TRAPPC3L: variants seen among roughly 807,000 people sequenced by gnomAD.
The protein encoded by TRAPPC3L is trafficking protein particle complex subunit 3L.
In TRAPPC3L, 23 loss-of-function variants were observed where a neutral mutation model predicts 23.7. The observed-to-expected ratio is 0.97, with a 90% CI of 0.70 to 1.37. The LOEUF (loss-of-function observed/expected upper bound fraction) is 1.37. Among genes scored for constraint, TRAPPC3L ranks in the 40% most tolerant of loss-of-function variants. The probability of loss-of-function intolerance (pLI) is 0.00; values close to 1 mark genes in which losing one functional copy is unlikely to be tolerated. For missense variants in TRAPPC3L, 212 were observed against 216.8 expected (o/e 0.98, Z 0.14); for synonymous variants, 81 against 77.9 (o/e 1.04, Z -0.21).
At chr6:116,544,845 A>G (rs901739849) in intron 1 of TRAPPC3L, among the ~76,000 whole-genome samples, 14 of 152,120 alleles carry the variant, frequency 9.2e-5, no homozygotes, top group Non-Finnish European at 1.8e-4. Context: ...TGACATAATT[A>G]ACAGAATTTT....
chr6:116,516,925 G>C (rs1378851379), intron 3 of TRAPPC3L: 3 of 152,406 alleles, frequency 2.0e-5, no homozygotes, highest in Non-Finnish European at 4.4e-5. Context: ...AAATATCATA[G>C]ATAGGTGGCT....
chr6:116,542,808 A>G (rs1367221604), intron 2 of TRAPPC3L, among the ~76,000 whole-genome samples: 1 of 152,134 alleles, frequency 6.6e-6, no homozygotes, highest in Non-Finnish European at 1.5e-5. Context: ...ATCTTAAAAT[A>G]AACTCTCCCT....
At chr6:116,513,538 T>G (rs995564395) in intron 3 of TRAPPC3L, among the ~76,000 whole-genome samples, 1 of 152,320 alleles carries the variant, frequency 6.6e-6, no homozygotes, top group African/African-American at 2.4e-5. Context: ...AAGGAAATCT[T>G]GCACATCATG....
intron 1 of TRAPPC3L, chr6:116,543,640 A>G (rs1458771719): frequency 3.0e-6 from 2 of 671,482 alleles, no homozygotes; most frequent in East Asian, 5.5e-5. Flanking sequence ...ACATGATAAC[A>G]TCTTTCTATG....
intron 3 of TRAPPC3L, chr6:116,524,626 T>G (rs1772411334): frequency 6.6e-6 from 1 of 152,200 alleles, no homozygotes; most frequent in African/African-American, 2.4e-5. Flanking sequence ...AACAAGATGT[T>G]TTATCCTATA....
At chr6:116,504,524 T>G (rs908951251) in intron 3 of TRAPPC3L, among the ~76,000 whole-genome samples, 1 of 152,214 alleles carries the variant, frequency 6.6e-6, no homozygotes, top group African/African-American at 2.4e-5. Flanking sequence ...CCTCCCTAAC[T>G]CATTTTATGA....
chr6:116,538,371 G>A (rs962767966), intron 3 of TRAPPC3L, among the ~76,000 whole-genome samples: 1 of 152,188 alleles, frequency 6.6e-6, no homozygotes, highest in African/African-American at 2.4e-5. Context: ...TGTAATTCCA[G>A]CTTCTCAGCA....
chr6:116,527,844 A>T lies in TRAPPC3L; in HGVS notation c.240+12519T>A, dbSNP rs573281880. Among the ~76,000 whole-genome samples, 9 of 152,384 alleles carry T rather than the reference A, an allele frequency of 5.9e-5. No individual in the cohort carries two copies. The South Asian group carries it at 1.9e-3, about 32-fold the overall frequency. ...GAGCATTTGGACCAATGCCTAATGC[A>T]TGCAGGGCTTAAAACCTAGATGACA... On this transcript the variant is annotated intron_variant, in intron 3 of 4. Coordinates refer to ENST00000368602, the MANE Select transcript of TRAPPC3L (RefSeq NM_001139444.3).
intron 3 of TRAPPC3L, 112 bp from the exon 4 acceptor site, chr6:116,500,778 G>T: frequency 1.1e-6 from 1 of 910,916 alleles, no homozygotes; most frequent in Non-Finnish European, 1.7e-6. Context: ...AGCACATGGA[G>T]TCTATAGTCA....
intron 3 of TRAPPC3L, chr6:116,515,953 G>A (rs764951260): frequency 2.7e-5 from 44 of 1,609,942 alleles, no homozygotes; most frequent in East Asian, 6.7e-5. Context: ...ATGATGAGAC[G>A]ACAATGGTCC....
chr6:116,540,239 C>A, intron 3 of TRAPPC3L, 124 bp downstream of exon 3: 1 of 862,144 alleles, frequency 1.2e-6, no homozygotes, highest in Non-Finnish European at 1.8e-6. Context: ...CAATCAGAAT[C>A]TCCTTTCTCA....
intron 4 of TRAPPC3L, among the ~76,000 whole-genome samples, chr6:116,498,568 AC>A (rs967313065): frequency 2.6e-5 from 4 of 152,190 alleles, no homozygotes; most frequent in African/African-American, 9.7e-5. Flanking sequence ...GGAAAATGAG[AC>A]TTTGTTGACT....
At chr6:116,505,402 A>G (rs887145529) in intron 3 of TRAPPC3L, among the ~76,000 whole-genome samples, 2 of 152,328 alleles carry the variant, frequency 1.3e-5, no homozygotes, top group South Asian at 4.1e-4. Context: ...TTCCATGCTC[A>G]TGGATAGAAA....
chr6:116,512,108 C>T (rs2115164525), intron 3 of TRAPPC3L: 1 of 1,614,034 alleles, frequency 6.2e-7, no homozygotes, highest in East Asian at 2.2e-5. Flanking sequence ...TTCAGGACTC[C>T]TGGAACTGAT....
chr6:116,508,842 T>C (rs1033721026), intron 3 of TRAPPC3L, among the ~76,000 whole-genome samples: 21 of 152,000 alleles, frequency 1.4e-4, no homozygotes, highest in African/African-American at 5.1e-4. Context: ...TCCATAGCAA[T>C]CAGGCAAGAG....
chr6:116,508,962 A>G (rs1296639403), intron 3 of TRAPPC3L, among the ~76,000 whole-genome samples: 1 of 152,140 alleles, frequency 6.6e-6, no homozygotes, highest in Non-Finnish European at 1.5e-5. Context: ...AGACTACTAG[A>G]TTTGATAAAT....
At chr6:116,532,392 G>A (rs1175526447) in intron 3 of TRAPPC3L, among the ~76,000 whole-genome samples, 1 of 152,096 alleles carries the variant, frequency 6.6e-6, no homozygotes, top group Non-Finnish European at 1.5e-5. Flanking sequence ...GTGAGCCACC[G>A]CGCCCGGCCG....
chr6:116,497,385 C>T (rs1190366197), intron 4 of TRAPPC3L, among the ~76,000 whole-genome samples: 1 of 152,166 alleles, frequency 6.6e-6, no homozygotes, highest in East Asian at 1.9e-4. Flanking sequence ...CACAAATTCC[C>T]AGCTCGGGGA....
chr6:116,524,222 T>A (rs943487458), intron 3 of TRAPPC3L: 2 of 152,214 alleles, frequency 1.3e-5, no homozygotes, highest in Non-Finnish European at 2.9e-5. Context: ...TGGCAAAATA[T>A]GGAAACTATT....
Sources: gnomAD v4.1 joint callset for allele counts (sites outside exome capture counted in the v4.1 genomes callset) on GRCh38, gnomAD v4.1.1 for gene constraint, MANE v1.5 for transcripts, NCBI Gene and HGNC (gene_info 2026-07-23, HGNC 2026-07-21) for gene names.